The following ALDOB variants were observed in gnomAD, a reference collection of about 807,000 sequenced individuals.
The protein encoded by ALDOB is aldolase, fructose-bisphosphate B, also known as fructose-bisphosphate aldolase B.
ALDOB carries 39 observed loss-of-function variants against 41.0 expected under a neutral mutation model. The ratio of observed to expected loss-of-function variants is 0.95; its 90% CI spans 0.74 to 1.24. The LOEUF is 1.24. Ranked by LOEUF, ALDOB falls within the 50% of genes most tolerant of loss-of-function variation. ALDOB has a pLI of 0.00. For missense variants in ALDOB, 530 were observed against 457.3 expected, an observed-to-expected ratio of 1.16 and a Z score of -1.45; for synonymous variants, 175 against 168.8, an observed-to-expected ratio of 1.04 and a Z score of -0.28.
chr9:101,428,575 A>G (rs1194072497), intron 3 of ALDOB, 52 bp from the exon 4 acceptor site: 1 of 1,404,442 alleles, frequency 7.1e-7, no homozygotes, highest in African/African-American at 1.4e-5. Context: ...ACACAAGCAG[A>G]ACTCTTGAAC....
chr9:101,428,678 A>T (rs563761850), intron 3 of ALDOB, among the ~76,000 whole-genome samples, 155 bp from the exon 4 acceptor site: 1 of 152,228 alleles, frequency 6.6e-6, no homozygotes, highest in South Asian at 2.1e-4. Flanking sequence ...GCAGAAGGGA[A>T]GTTACCTAGA....
chr9:101,426,909 A>G (rs1394020735), intron 5 of ALDOB, among the ~76,000 whole-genome samples: 1 of 152,200 alleles, frequency 6.6e-6, no homozygotes, highest in Non-Finnish European at 1.5e-5. Flanking sequence ...ATTAAGAAAG[A>G]TGTCTCTAAG....
rs1215289726 is a variant in ALDOB at position 101,433,368 on chromosome 9, ACTT to A, written c.-11+2338_-11+2340del. Among the ~76,000 whole-genome samples the A allele has an allele frequency of 2.6e-5, 4 of 152,344 alleles. No individual in the cohort carries two copies. In the East Asian group the frequency reaches 7.7e-4, roughly 29 times the overall value. On this transcript the variant is annotated intron_variant, in intron 1 of 8. Transcript: ENST00000647789. ...ACTAATACTGTTTACAGGGAGTTAA[ACTT>A]CTACAGTGGGATTAAAGGTCTGTAC...
At chr9:101,432,600 A>T (rs1235320718) in intron 1 of ALDOB, among the ~76,000 whole-genome samples, 1 of 152,234 alleles carries the variant, frequency 6.6e-6, no homozygotes, top group African/African-American at 2.4e-5. Flanking sequence ...ACAAGTGATC[A>T]TGTATTGTCA....
In ALDOB at chr9:101,428,526, G is replaced by A. The variant is rs759922976; in HGVS notation, c.325-3C>T. 2.5e-6 allele frequency: 4 copies of A among 1,612,852 alleles called. No homozygotes were observed. The highest frequency in any genetic ancestry group is 3.4e-6 in the Non-Finnish European group (4 of 1,178,826). On this transcript the variant is annotated splice_polypyrimidine_tract_variant and splice_region_variant and intron_variant, in intron 3 of 8. Coordinates refer to ENST00000647789, the MANE Select transcript of ALDOB (RefSeq NM_000035.4). The stretch of plus-strand genomic sequence containing the variant: ...AGAGGAGCACCTCCTTGGTCTAACT[G>A]TGGATACAAATAATTAACAGGTGTC...
At chr9:101,421,989 C>G (rs1588169091) in intron 8 of ALDOB, 85 bp from the exon 9 acceptor site, 1 of 1,088,458 alleles carries the variant, frequency 9.2e-7, no homozygotes, top group Non-Finnish European at 1.4e-6. Flanking sequence ...GGAAACCAGT[C>G]AAACCTTCAC....
At chr9:101,429,677 T>G in intron 3 of ALDOB, 78 bp downstream of exon 3, 2 of 1,273,356 alleles carry the variant, frequency 1.6e-6, no homozygotes, top group Non-Finnish European at 2.3e-6. Flanking sequence ...ATGTTCAGAG[T>G]GTTGGCCCTG....
intron 8 of ALDOB, among the ~76,000 whole-genome samples, chr9:101,422,204 A>C (rs1340417289): frequency 6.6e-6 from 1 of 152,200 alleles, no homozygotes; most frequent in Non-Finnish European, 1.5e-5. Context: ...AAAATTTCTC[A>C]CTAGTATAGT....
intron 1 of ALDOB, 52 bp from the exon 2 acceptor site, chr9:101,430,949 G>T: frequency 1.6e-6 from 2 of 1,266,256 alleles, no homozygotes; most frequent in Non-Finnish European, 1.2e-6. Flanking sequence ...GGCTCAGATG[G>T]ATGCATGACC....
intron 8 of ALDOB, among the ~76,000 whole-genome samples, chr9:101,424,002 T>G (rs1429412118): frequency 6.6e-6 from 1 of 152,236 alleles, no homozygotes; most frequent in Non-Finnish European, 1.5e-5. Flanking sequence ...GCACCTTTCC[T>G]TTCCTCTTTA....
Position 101,421,586 on chromosome 9 carries a change from G to C in ALDOB, c.*223C>G. The stretch of plus-strand genomic sequence containing the variant: ...TTCTGGAGCATGGGGAGCTGAAAGT[G>C]TTGCAAGGAAACTGCTGTGTGAAAT... On this transcript the variant is annotated 3_prime_UTR_variant, in exon 9 of 9. Transcript: ENST00000647789. 1.7e-6 allele frequency: 1 copy of C among 600,918 alleles called. No individual in the cohort carries two copies. Among genetic ancestry groups the C allele is most frequent in the Non-Finnish European group, 3.0e-6 (1 of 328,724 alleles). The allele number at this position is 600,918 out of a possible 1,614,324, so 37.2% of individuals were successfully genotyped here.
chr9:101,428,652 C>T lies in ALDOB; in HGVS notation c.325-129G>A, dbSNP rs939392383. 4.9e-6 allele frequency: 4 copies of T among 823,848 alleles called. No individual in the cohort carries two copies. The Admixed American group carries it at 5.4e-5, about 11-fold the overall frequency. The allele number at this position is 823,848 out of a possible 1,614,324, so 51.0% of individuals were successfully genotyped here. A position where few individuals can be genotyped will look rare whatever the true frequency, so the allele number is the denominator to read the frequency against. Reference sequence around the variant, plus strand: ...TAGTAAAGTGTATTAGTGCGAGGGACCCAGTTCAGTCCATAGCAGAAGGGA... The same window carrying T: ...TAGTAAAGTGTATTAGTGCGAGGGATCCAGTTCAGTCCATAGCAGAAGGGA... On this transcript the variant is annotated intron_variant, in intron 3 of 8. Coordinates refer to ENST00000647789, the MANE Select transcript of ALDOB (RefSeq NM_000035.4).
Position 101,421,722 on chromosome 9 carries a change from T to A in ALDOB, c.*87A>T. 2 of 1,001,238 alleles carry A rather than the reference T, an allele frequency of 2.0e-6. No homozygotes were observed. The highest frequency in any genetic ancestry group is 1.9e-5 in the Admixed American group (1 of 52,866). The allele number at this position is 1,001,238 out of a possible 1,614,324, so 62.0% of individuals were successfully genotyped here. Reference sequence around the variant, plus strand: ...ATTTCCAGCAGTTCAAATCTAATTGTGTCGAATTTCCAGGATTGGAGGAAA... The same window carrying A: ...ATTTCCAGCAGTTCAAATCTAATTGAGTCGAATTTCCAGGATTGGAGGAAA... On this transcript the variant is annotated 3_prime_UTR_variant, in exon 9 of 9. Transcript: ENST00000647789.
chr9:101,428,381 G>T (rs1288562015), intron 4 of ALDOB, 88 bp downstream of exon 4: 2 of 1,196,098 alleles, frequency 1.7e-6, no homozygotes, highest in East Asian at 2.3e-5. Context: ...TGTAATAGTT[G>T]TGTTTTGTTT....
At chr9:101,429,020 A>T (rs1310360508) in intron 3 of ALDOB, among the ~76,000 whole-genome samples, 3 of 152,184 alleles carry the variant, frequency 2.0e-5, no homozygotes, top group Non-Finnish European at 4.4e-5. Flanking sequence ...CACTTTTGAG[A>T]AGTTTATGCA....
chr9:101,430,957 A>G, intron 1 of ALDOB, 60 bp from the exon 2 acceptor site: 1 of 1,173,672 alleles, frequency 8.5e-7, no homozygotes, highest in Non-Finnish European at 1.3e-6. Context: ...TGGATGCATG[A>G]CCAAGACAGT....
chr9:101,430,947 T>A (rs997380364), intron 1 of ALDOB, 50 bp from the exon 2 acceptor site: 1 of 1,301,050 alleles, frequency 7.7e-7, no homozygotes. Context: ...GTGGCTCAGA[T>A]GGATGCATGA....
chr9:101,429,397 G>A (rs1489015769), intron 3 of ALDOB, among the ~76,000 whole-genome samples: 1 of 152,108 alleles, frequency 6.6e-6, no homozygotes, highest in Non-Finnish European at 1.5e-5. Context: ...GAGCTCAAGC[G>A]ATCCTCTTGC....
At position 101,429,910 on chromosome 9, in the gene ALDOB, G is replaced by A. The variant is rs570143313; in HGVS notation, c.169C>T (p.Arg57Trp). ...IKVENTEENRRQFREILFSVD... is the reference protein window; with the variant it reads ...IKVENTEENRWQFREILFSVD... ...GAGAAGAGGATTTCTCGGAACTGCC[G>A]GCGGTTCTCTTCAGTGTTTTCCACC... Residue 57 changes from arginine (R) to tryptophan (W), a missense_variant, in exon 3 of 9, where the codon CGG becomes TGG. Transcript: ENST00000647789. 1.7e-5 allele frequency: 27 copies of A among 1,614,056 alleles called. No individual in the cohort carries two copies. The highest frequency in any genetic ancestry group is 1.6e-4 in the Middle Eastern group (1 of 6,062).
Sources: gnomAD v4.1 joint callset for allele counts (sites outside exome capture counted in the v4.1 genomes callset) on GRCh38, gnomAD v4.1.1 for gene constraint, MANE v1.5 for transcripts, NCBI Gene and HGNC (gene_info 2026-07-23, HGNC 2026-07-21) for gene names.